VKORC1L1: variants seen among roughly 807,000 people sequenced by gnomAD.
VKORC1L1 encodes the protein vitamin K epoxide reductase complex subunit 1L1, also known as vitamin K epoxide reductase complex subunit 1-like protein 1.
In VKORC1L1, 2 loss-of-function variants were observed where a neutral mutation model predicts 18.9. The ratio of observed to expected loss-of-function variants is 0.11; its 90% confidence interval spans 0.04 to 0.33. The LOEUF is 0.33. Among genes scored for constraint, VKORC1L1 ranks in the 10% least tolerant of loss-of-function variants. The pLI, the probability that VKORC1L1 is intolerant of heterozygous loss-of-function variation, is 1.00. For missense variants in VKORC1L1, 123 were observed against 224.1 expected (o/e 0.55, Z 2.88); for synonymous variants, 96 against 100.0 (o/e 0.96, Z 0.24).
At chr7:65,888,273 A>G (rs1292381036) in intron 1 of VKORC1L1, among the ~76,000 whole-genome samples, 2 of 152,174 alleles carry the variant, frequency 1.3e-5, no homozygotes, top group Non-Finnish European at 2.9e-5. Context: ...TGCACTGACA[A>G]ATGGACAACA....
intron 1 of VKORC1L1, among the ~76,000 whole-genome samples, chr7:65,923,315 TCA>T (rs59312045): frequency 0.13 from 19,225 of 151,240 alleles, 1,367 homozygotes; most frequent in Middle Eastern, 0.21. Context: ...GGCAGGAGGA[TCA>T]CACTTGAGCC....
intron 1 of VKORC1L1, among the ~76,000 whole-genome samples, chr7:65,906,478 G>T (rs1374053831): frequency 1.3e-5 from 2 of 152,070 alleles, no homozygotes; most frequent in African/African-American, 4.8e-5. Context: ...AGACATTTTT[G>T]ACTTACTGGC....
chr7:65,950,085 T>C (rs1790188061), intron 2 of VKORC1L1, among the ~76,000 whole-genome samples: 1 of 152,148 alleles, frequency 6.6e-6, no homozygotes, highest in Non-Finnish European at 1.5e-5. Context: ...CTTTGTAAAA[T>C]TTCTTTTTTT....
rs151192024 is a variant in VKORC1L1 at position 65,954,593 on chromosome 7, C to T, written c.*293C>T. On this transcript the variant is annotated 3_prime_UTR_variant, in exon 3 of 3. Coordinates refer to ENST00000360768, the MANE Select transcript of VKORC1L1 (RefSeq NM_173517.6). ...AAATGTAGCCCTAGCCCCCTGCCCTCAATTGTAAAGTGAGCAACCATTGCT... is the reference window on the plus strand; with the variant it reads ...AAATGTAGCCCTAGCCCCCTGCCCTTAATTGTAAAGTGAGCAACCATTGCT... 1 of 454,866 alleles carries T rather than the reference C, an allele frequency of 2.2e-6. No homozygotes were observed. Among genetic ancestry groups the T allele is most frequent in the African/African-American group, 2.0e-5 (1 of 50,214 alleles). 28.2% of individuals were successfully genotyped at this position (454,866 alleles called of 1,614,324 possible).
upstream of VKORC1L1, among the ~76,000 whole-genome samples, chr7:65,869,275 C>G (rs1019894864): frequency 1.3e-5 from 2 of 151,948 alleles, no homozygotes; most frequent in African/African-American, 4.8e-5. Flanking sequence ...GATCACACCA[C>G]TGCACTCCAG....
intron 1 of VKORC1L1, among the ~76,000 whole-genome samples, chr7:65,915,911 G>A (rs1789581632): frequency 6.6e-6 from 1 of 151,930 alleles, no homozygotes; most frequent in Admixed American, 6.6e-5. Flanking sequence ...AGGAGTTCAA[G>A]ACCAGCCTAG....
intron 1 of VKORC1L1, among the ~76,000 whole-genome samples, chr7:65,923,217 C>T (rs1789706921): frequency 6.6e-6 from 1 of 152,054 alleles, no homozygotes; most frequent in Non-Finnish European, 1.5e-5. Flanking sequence ...GCCTGGGCAA[C>T]ATAGCAAGAC....
At chr7:65,922,683 G>A (rs1789696627) in intron 1 of VKORC1L1, among the ~76,000 whole-genome samples, 2 of 152,178 alleles carry the variant, frequency 1.3e-5, no homozygotes, top group African/African-American at 2.4e-5. Flanking sequence ...ATTTTCAGCC[G>A]AAATGTACAC....
rs1338995138 is a variant in VKORC1L1, at chr7:65,958,490, G to A, written c.*4190G>A. On this transcript the variant is annotated 3_prime_UTR_variant, in exon 3 of 3. Coordinates refer to ENST00000360768, the MANE Select transcript of VKORC1L1 (RefSeq NM_173517.6). ...AAACCAAATGTAAATATGTAAGAAT[G>A]TTTATTTGTTGCACATAACTTTTTT... is the stretch of plus-strand genomic sequence containing the variant. 6.6e-6 allele frequency: 1 copy of A among 152,204 alleles called. No individual in the cohort carries two copies. Among genetic ancestry groups the A allele is most frequent in the Non-Finnish European group, 1.5e-5 (1 of 68,030 alleles). The allele number at this position is 152,204 out of a possible 1,614,324, so 9.4% of individuals were successfully genotyped here. A position where few individuals can be genotyped will look rare whatever the true frequency, so the allele number is the denominator to read the frequency against.
chr7:65,885,534 G>GA (rs1198846822), intron 1 of VKORC1L1, among the ~76,000 whole-genome samples: 1 of 150,852 alleles, frequency 6.6e-6, no homozygotes, highest in East Asian at 2.0e-4. Flanking sequence ...TATTTTATGT[G>GA]AAAAAATTTT....
intron 2 of VKORC1L1, among the ~76,000 whole-genome samples, chr7:65,949,466 C>T (rs919942785): frequency 1.5e-4 from 22 of 145,630 alleles, no homozygotes; most frequent in Admixed American, 1.1e-3. Context: ...GCAACAAGAG[C>T]GAAACTCCGT....
chr7:65,870,911 C>T (rs1318819670), upstream of VKORC1L1, among the ~76,000 whole-genome samples: 1 of 152,084 alleles, frequency 6.6e-6, no homozygotes, highest in Non-Finnish European at 1.5e-5. Flanking sequence ...TCAGTCCTCC[C>T]AAGTAGCTGG....
At chr7:65,943,332 C>T (rs1371390160) in intron 1 of VKORC1L1, among the ~76,000 whole-genome samples, 1 of 152,136 alleles carries the variant, frequency 6.6e-6, no homozygotes, top group Non-Finnish European at 1.5e-5. Context: ...AAATGAGTTG[C>T]TTCTAAGGAG....
chr7:65,907,399 T>C (rs971573814), intron 1 of VKORC1L1, among the ~76,000 whole-genome samples: 2 of 152,078 alleles, frequency 1.3e-5, no homozygotes, highest in African/African-American at 4.8e-5. Flanking sequence ...GATCATGCCA[T>C]TGCACTCCAG....
intron 1 of VKORC1L1, among the ~76,000 whole-genome samples, chr7:65,917,988 C>T (rs1417316774): frequency 6.6e-6 from 1 of 152,158 alleles, no homozygotes; most frequent in Non-Finnish European, 1.5e-5. Flanking sequence ...GTAGTGACAT[C>T]TAGCAGGTAG....
At chr7:65,880,955 T>C (rs1788918475) in intron 1 of VKORC1L1, among the ~76,000 whole-genome samples, 1 of 152,228 alleles carries the variant, frequency 6.6e-6, no homozygotes, top group South Asian at 2.1e-4. Context: ...GAAATGCCCC[T>C]GTGAGCATTT....
intron 1 of VKORC1L1, among the ~76,000 whole-genome samples, chr7:65,925,778 T>C (rs558399106): frequency 1.3e-5 from 2 of 152,224 alleles, no homozygotes; most frequent in South Asian, 4.2e-4. Flanking sequence ...ACGTGCTTAT[T>C]TCTATACCCT....
chr7:65,904,827 AG>A (rs1417122793), intron 1 of VKORC1L1, among the ~76,000 whole-genome samples: 1 of 152,196 alleles, frequency 6.6e-6, no homozygotes, highest in Non-Finnish European at 1.5e-5. Flanking sequence ...TAAAAATACA[AG>A]AGAAGATAAA....
intron 1 of VKORC1L1, among the ~76,000 whole-genome samples, chr7:65,893,446 CAGG>C (rs1789141143): frequency 6.6e-6 from 1 of 152,140 alleles, no homozygotes; most frequent in Admixed American, 6.5e-5. Flanking sequence ...GAGGCTGAGG[CAGG>C]AGAATCACTT....
Sources: allele counts gnomAD v4.1 joint callset (sites outside exome capture counted in the v4.1 genomes callset), GRCh38; gene constraint gnomAD v4.1.1; transcripts MANE v1.5; gene names NCBI Gene and HGNC (gene_info 2026-07-23, HGNC 2026-07-21).